TACR3: variants seen among roughly 807,000 people sequenced by gnomAD.
TACR3 encodes the protein neuromedin-K receptor.
TACR3 carries 34 observed loss-of-function variants against 35.0 expected under a neutral mutation model. That is an observed-to-expected ratio of 0.97 (90% CI 0.74 to 1.30). TACR3 has a LOEUF of 1.30. Ranked by LOEUF, TACR3 falls within the 50% of genes most tolerant of loss-of-function variation. The probability of loss-of-function intolerance (pLI) is 0.00; values close to 1 mark genes in which losing one functional copy is unlikely to be tolerated. For missense variants in TACR3, 558 were observed against 591.7 expected (o/e 0.94, Z 0.59); for synonymous variants, 233 against 221.1 (o/e 1.05, Z -0.48).
At chr4:103,614,884 G>GTTTTTTTTTTTT (rs71580414) in intron 3 of TACR3, among the ~76,000 whole-genome samples, 1,095 of 72,062 alleles carry the variant, frequency 0.015, 241 homozygotes, top group Non-Finnish European at 0.022. Flanking sequence ...TTATGAATGT[G>GTTTTTTTTTTTT]TTTTTTTTTT....
At chr4:103,631,125 G>A (rs1725051420) in intron 3 of TACR3, among the ~76,000 whole-genome samples, 3 of 152,010 alleles carry the variant, frequency 2.0e-5, no homozygotes, top group South Asian at 2.1e-4. Flanking sequence ...GGAATTGAAC[G>A]ATGAGAACAC....
At chr4:103,716,215 TTGTGTGTGTGTGTG>T (rs56790385) in intron 1 of TACR3, among the ~76,000 whole-genome samples, 15 of 143,324 alleles carry the variant, frequency 1.0e-4, no homozygotes, top group African/African-American at 2.3e-4. Context: ...TAATTTTATC[TTGTGTGTGTGTGTG>T]TGTGTGTGTG....
chr4:103,700,931 C>A (rs1722636227), intron 1 of TACR3, among the ~76,000 whole-genome samples: 1 of 152,192 alleles, frequency 6.6e-6, no homozygotes, highest in Non-Finnish European at 1.5e-5. Flanking sequence ...GACAAACCCA[C>A]AGCCAATATC....
At chr4:103,683,155 CA>C (rs540842257) in intron 1 of TACR3, among the ~76,000 whole-genome samples, 2 of 151,936 alleles carry the variant, frequency 1.3e-5, no homozygotes, top group African/African-American at 2.4e-5. Flanking sequence ...ATATTTTGAA[CA>C]GAATGAAAAT....
chr4:103,688,155 C>A (rs1722300445), intron 1 of TACR3, among the ~76,000 whole-genome samples: 1 of 152,122 alleles, frequency 6.6e-6, no homozygotes, highest in Non-Finnish European at 1.5e-5. Flanking sequence ...GGAAAGGATT[C>A]CCTATTTAAT....
rs1469110051 is a variant in TACR3, at chr4:103,650,727, ATATAT to A, written c.888+5462_888+5466del. ...TATATATAAATATATATAAATAAAT[ATATAT>A]TATATCATATATAATATATATATTA... On this transcript the variant is annotated intron_variant, in intron 3 of 4. Transcript: ENST00000304883. 7.3e-5 allele frequency among the ~76,000 whole-genome samples: 4 copies of A among 54,740 alleles called. 1 individual carries two copies. The highest frequency in any genetic ancestry group is 3.7e-4 in the East Asian group (1 of 2,706). The allele number at this position is 54,740 out of a possible 152,430, so 35.9% of individuals were successfully genotyped here. A position where few individuals can be genotyped will look rare whatever the true frequency, so the allele number is the denominator to read the frequency against.
intron 3 of TACR3, among the ~76,000 whole-genome samples, chr4:103,636,967 G>C (rs1334724286): frequency 6.6e-6 from 1 of 152,020 alleles, no homozygotes; most frequent in Non-Finnish European, 1.5e-5. Flanking sequence ...ACCAAAAAAA[G>C]TCCAGGACCA....
chr4:103,609,860 A>G (rs1724474572), intron 3 of TACR3, among the ~76,000 whole-genome samples: 1 of 152,120 alleles, frequency 6.6e-6, no homozygotes, highest in Non-Finnish European at 1.5e-5. Flanking sequence ...TAGATTCTAC[A>G]TATGACTGAA....
At chr4:103,687,315 C>T (rs995765742) in intron 1 of TACR3, among the ~76,000 whole-genome samples, 14 of 152,094 alleles carry the variant, frequency 9.2e-5, no homozygotes, top group Non-Finnish European at 4.4e-5. Context: ...AAACTGGAAG[C>T]ATTCCCTTTG....
chr4:103,663,219 C>A (rs982571582), intron 1 of TACR3, among the ~76,000 whole-genome samples: 1 of 152,082 alleles, frequency 6.6e-6, no homozygotes, highest in African/African-American at 2.4e-5. Flanking sequence ...AAATGTTGGG[C>A]ACAGTGGCTC....
intron 1 of TACR3, among the ~76,000 whole-genome samples, chr4:103,692,061 C>G (rs1161335105): frequency 6.6e-6 from 1 of 152,072 alleles, no homozygotes; most frequent in Non-Finnish European, 1.5e-5. Context: ...GGGTTAGGGT[C>G]TCCTGGACCG....
At chr4:103,701,879 C>T (rs2110224094) in intron 1 of TACR3, among the ~76,000 whole-genome samples, 2 of 152,212 alleles carry the variant, frequency 1.3e-5, no homozygotes, top group East Asian at 1.9e-4. Context: ...CCCTTCCTTA[C>T]ACCTTATACA....
At chr4:103,664,752 A>G (rs1198060091) in intron 1 of TACR3, among the ~76,000 whole-genome samples, 1 of 152,152 alleles carries the variant, frequency 6.6e-6, no homozygotes, top group African/African-American at 2.4e-5. Context: ...ACCTTTGTCA[A>G]AATGCATTTT....
chr4:103,594,201 G>C (rs925941914), intron 3 of TACR3, among the ~76,000 whole-genome samples: 4 of 147,636 alleles, frequency 2.7e-5, no homozygotes, highest in Non-Finnish European at 4.5e-5. Flanking sequence ...TTTTGAGACA[G>C]AGTCTCACTC....
rs376677912 is a variant in TACR3 at position 103,680,993 on chromosome 4, AT to A, written c.549-22591del. Among the ~76,000 whole-genome samples, 1,265 of 150,478 alleles carry A rather than the reference AT, an allele frequency of 8.4e-3. 20 individuals are homozygous for A. Among genetic ancestry groups the A allele is most frequent in the African/African-American group, 0.029 (1,183 of 40,476 alleles). On this transcript the variant is annotated intron_variant, in intron 1 of 4. Transcript: ENST00000304883. ...TCTAAGCTTTCTCTTTCTTCCTTAT[AT>A]TTTTTTTCTATTTTAATAGGTTTGC...
intron 3 of TACR3, among the ~76,000 whole-genome samples, chr4:103,628,610 A>G (rs1336125152): frequency 2.0e-5 from 3 of 152,246 alleles, no homozygotes; most frequent in Non-Finnish European, 4.4e-5. Context: ...AAGAAGTCAA[A>G]TCTCTGAATA....
chr4:103,633,534 C>T (rs1037658610), intron 3 of TACR3, among the ~76,000 whole-genome samples: 1 of 152,090 alleles, frequency 6.6e-6, no homozygotes, highest in East Asian at 1.9e-4. Context: ...ATACACTGCA[C>T]CCTATTTGTT....
intron 3 of TACR3, among the ~76,000 whole-genome samples, chr4:103,632,200 TG>T: frequency 6.6e-6 from 1 of 152,142 alleles, no homozygotes; most frequent in Non-Finnish European, 1.5e-5. Context: ...CAATAATGTT[TG>T]TGTGAATTTG....
At chr4:103,707,139 T>G (rs902376349) in intron 1 of TACR3, among the ~76,000 whole-genome samples, 5 of 152,212 alleles carry the variant, frequency 3.3e-5, no homozygotes, top group African/African-American at 4.8e-5. Flanking sequence ...ACAGTGTATT[T>G]GAGGATATTT....
Sources: gnomAD v4.1 joint callset for allele counts (sites outside exome capture counted in the v4.1 genomes callset) on GRCh38, gnomAD v4.1.1 for gene constraint, MANE v1.5 for transcripts, NCBI Gene and HGNC (gene_info 2026-07-23, HGNC 2026-07-21) for gene names.